Variants in ANKRD26 observed in about 807,000 individuals in gnomAD.
ANKRD26 encodes ankyrin repeat domain-containing protein 26.
Under a neutral mutation model 208.7 loss-of-function variants are expected in ANKRD26, and 141 were observed. That is an observed-to-expected ratio of 0.68 (90% CI 0.59 to 0.78). The LOEUF is 0.78. Among genes scored for constraint, ANKRD26 ranks in the 30% least tolerant of loss-of-function variants. ANKRD26 has a pLI of 0.00. For missense variants in ANKRD26, 1,889 were observed against 1,938.7 expected (o/e 0.97, Z 0.48); for synonymous variants, 636 against 660.4 (o/e 0.96, Z 0.57).
chr10:27,002,545 T>C (rs1248361746), downstream of ANKRD26, among the ~76,000 whole-genome samples: 7 of 152,212 alleles, frequency 4.6e-5, no homozygotes, highest in African/African-American at 1.7e-4. Context: ...GGATATGTCC[T>C]GTCCAGGGCT....
At chr10:27,027,408 G>C (rs1312110263) in intron 27 of ANKRD26, among the ~76,000 whole-genome samples, 1 of 152,116 alleles carries the variant, frequency 6.6e-6, no homozygotes, top group African/African-American at 2.4e-5. Flanking sequence ...AAATTTCTTA[G>C]AATTTCAAAA....
the ANKRD26 span, among the ~76,000 whole-genome samples, chr10:26,951,978 T>A: frequency 6.6e-6 from 1 of 150,600 alleles, no homozygotes; most frequent in African/African-American, 2.4e-5. Context: ...TCATCACTCT[T>A]TATTCTTCTT....
exon 6 of ANKRD26, among the ~76,000 whole-genome samples, chr10:26,974,969 T>C (rs552140204): frequency 3.4e-4 from 52 of 152,314 alleles, no homozygotes; most frequent in African/African-American, 1.2e-3. Context: ...TTTATTACAA[T>C]ATGTCTAGAC....
In ANKRD26 at chr10:27,024,870, A is replaced by G. The variant is rs113668799; in HGVS notation, c.3973-311T>C. Among the ~76,000 whole-genome samples, 1,464 of 152,320 alleles carry G rather than the reference A, an allele frequency of 9.6e-3. 15 individuals are homozygous for G. Among genetic ancestry groups the G allele is most frequent in the Non-Finnish European group, 0.015 (1,041 of 68,006 alleles). On this transcript the variant is annotated intron_variant, in intron 27 of 33. Transcript: ENST00000376087. ...ACGTTCTCATTTCTGAAGTTGCTCT[A>G]GAAACACTGTCATCAGTAGTTCAAG...
the ANKRD26 span, among the ~76,000 whole-genome samples, chr10:26,958,184 G>A: frequency 6.6e-6 from 1 of 151,988 alleles, no homozygotes; most frequent in East Asian, 1.9e-4. Flanking sequence ...CTGGGTTCAA[G>A]TGATTCTCCT....
chr10:26,992,507 C>CACACACACACACACACACAG (rs1554768436), intron 5 of ANKRD26, among the ~76,000 whole-genome samples: 2 of 134,250 alleles, frequency 1.5e-5, no homozygotes, highest in Non-Finnish European at 1.6e-5. Context: ...CACACACACA[C>CACACACACACACACACACAG]AGAGAGAAAA....
chr10:26,980,884 G>T (rs1214379888), intron 4 of ANKRD26, among the ~76,000 whole-genome samples: 1 of 152,078 alleles, frequency 6.6e-6, no homozygotes, highest in Non-Finnish European at 1.5e-5. Flanking sequence ...CAATTCTGAA[G>T]ATTTCTTTAA....
In ANKRD26 at chr10:27,063,926, A is replaced by C; in HGVS notation, c.1363+62T>G. 3.1e-6 allele frequency: 4 copies of C among 1,300,830 alleles called. No homozygotes were observed. In the South Asian group the frequency reaches 4.8e-5, roughly 16 times the overall value. 80.6% of individuals were successfully genotyped at this position (1,300,830 alleles called of 1,614,324 possible). ...TCTTCGGCTATTAGAATATATCAACAGTCATGTTTTTAAATAAACACTCTG... is the reference window on the plus strand; with the variant it reads ...TCTTCGGCTATTAGAATATATCAACCGTCATGTTTTTAAATAAACACTCTG... On this transcript the variant is annotated intron_variant, in intron 12 of 33. Transcript: ENST00000376087.
intron 21 of ANKRD26, 117 bp downstream of exon 21, chr10:27,039,848 C>T: frequency 1.1e-6 from 1 of 890,388 alleles, no homozygotes; most frequent in Non-Finnish European, 1.8e-6. Flanking sequence ...TCACACTCCA[C>T]AAGACTAAGA....
intron 23 of ANKRD26, 72 bp downstream of exon 23, chr10:27,037,114 G>T: frequency 6.7e-7 from 1 of 1,495,274 alleles, no homozygotes; most frequent in Non-Finnish European, 9.2e-7. Flanking sequence ...TATATAGTTG[G>T]TTTTTAAAAT....
At chr10:26,966,782 C>T in the ANKRD26 span, among the ~76,000 whole-genome samples, 6 of 152,220 alleles carry the variant, frequency 3.9e-5, no homozygotes, top group East Asian at 1.2e-3. Flanking sequence ...CATAAGAAAT[C>T]CTGTTAGCAG....
intron 1 of ANKRD26, among the ~76,000 whole-genome samples, chr10:27,094,578 T>C (rs552514454): frequency 3.9e-5 from 6 of 152,346 alleles, no homozygotes; most frequent in South Asian, 4.1e-4. Context: ...ATGCAAAATG[T>C]TTAGAACAGT....
At position 27,060,553 on chromosome 10, in the gene ANKRD26, A is replaced by C; in HGVS notation, c.1463-13T>G. The stretch of plus-strand genomic sequence containing the variant: ...CTCTCAGGAGACTCTAAAAACCAAA[A>C]GGGACATATAATCAATTATACATAA... On this transcript the variant is annotated splice_polypyrimidine_tract_variant and intron_variant, in intron 13 of 33. Transcript: ENST00000376087. 6.6e-7 allele frequency: 1 copy of C among 1,504,398 alleles called. No individual in the cohort carries two copies. Among genetic ancestry groups the C allele is most frequent in the Non-Finnish European group, 9.2e-7 (1 of 1,085,428 alleles). The allele number at this position is 1,504,398 out of a possible 1,614,324, so 93.2% of individuals were successfully genotyped here. A position where few individuals can be genotyped will look rare whatever the true frequency, so the allele number is the denominator to read the frequency against.
the ANKRD26 span, among the ~76,000 whole-genome samples, chr10:26,948,581 A>G: frequency 3.5e-4 from 54 of 152,368 alleles, no homozygotes; most frequent in Middle Eastern, 3.4e-3. Flanking sequence ...AAATTGGAAC[A>G]TATTCTTTGA....
Position 27,100,407 on chromosome 10 carries a change from G to C in ANKRD26, c.-81C>G. The stretch of plus-strand genomic sequence containing the variant: ...CTCCGGAGCCCAACATAACAAGTCA[G>C]CCCCGGCTGGCCGCAGCCTCCCAAA... On this transcript the variant is annotated 5_prime_UTR_variant, in exon 1 of 34. Transcript: ENST00000376087. 6.4e-7 allele frequency: 1 copy of C among 1,568,696 alleles called. No homozygotes were observed. The highest frequency in any genetic ancestry group is 8.6e-7 in the Non-Finnish European group (1 of 1,166,898).
Position 27,093,785 on chromosome 10 carries a change from A to G in ANKRD26, c.257T>C (p.Leu86Ser). Reference protein sequence around the residue: ...RDKMNRTALHLACANGHPEVV... With the variant: ...RDKMNRTALHSACANGHPEVV... ...TTCTGGATGACCATTGGCACAGGCC[A>G]AATGTAGAGCCGTCCTATGAGAGTG... The change falls in exon 2 of 34, where the codon TTG becomes TCG. Residue 86 changes from leucine to serine, a missense_variant. Coordinates refer to ENST00000376087, the MANE Select transcript of ANKRD26 (RefSeq NM_014915.3). 1 of 1,614,152 alleles carries G rather than the reference A, an allele frequency of 6.2e-7. No homozygotes were observed. The highest frequency in any genetic ancestry group is 8.5e-7 in the Non-Finnish European group (1 of 1,179,950).
downstream of ANKRD26, among the ~76,000 whole-genome samples, chr10:27,002,368 T>A (rs904706045): frequency 6.6e-6 from 1 of 152,184 alleles, no homozygotes; most frequent in Non-Finnish European, 1.5e-5. Context: ...TGGGGCCCCA[T>A]CTGGGTGGAG....
At chr10:27,062,316 T>C in intron 12 of ANKRD26, 2 of 661,422 alleles carry the variant, frequency 3.0e-6, no homozygotes, top group Non-Finnish European at 3.7e-6. Context: ...ATTCTGATCC[T>C]GTTATGCCTT....
At chr10:27,017,859 C>A in intron 29 of ANKRD26, 67 bp from the exon 30 acceptor site, 1 of 1,450,150 alleles carries the variant, frequency 6.9e-7, no homozygotes, top group Non-Finnish European at 9.4e-7. Context: ...AACATAAAAC[C>A]AAGAACAAAT....
Sources: gnomAD v4.1 joint callset for allele counts (sites outside exome capture counted in the v4.1 genomes callset) on GRCh38, gnomAD v4.1.1 for gene constraint, MANE v1.5 for transcripts, NCBI Gene and HGNC (gene_info 2026-07-23, HGNC 2026-07-21) for gene names.